The following KAZN variants were observed in gnomAD, a reference collection of about 807,000 sequenced individuals.
KAZN encodes kazrin.
A neutral mutation model predicts 87.4 loss-of-function variants in KAZN; 40 were observed. That is an observed-to-expected ratio of 0.46 (90% CI 0.36 to 0.60). The LOEUF (loss-of-function observed/expected upper bound fraction) is 0.60, where lower values mean the gene tolerates loss of function less well. Ranked by LOEUF, KAZN falls within the 20% of genes least tolerant of loss-of-function variation. The probability of loss-of-function intolerance (pLI) is 0.00; values close to 1 mark genes in which losing one functional copy is unlikely to be tolerated. For synonymous variants in KAZN, 466 were observed against 458.3 expected, an observed-to-expected ratio of 1.02 and a Z score of -0.22; for missense variants, 898 against 1,073.9, an observed-to-expected ratio of 0.84 and a Z score of 2.29.
intron 2 of KAZN, among the ~76,000 whole-genome samples, chr1:14,222,465 CTA>C (rs1647126525): frequency 6.6e-6 from 1 of 152,126 alleles, no homozygotes; most frequent in African/African-American, 2.4e-5. Flanking sequence ...ATAAAGGAGT[CTA>C]TGTTTCTGCT....
At chr1:14,633,134 C>G (rs1354185230) in intron 1 of KAZN, among the ~76,000 whole-genome samples, 1 of 152,056 alleles carries the variant, frequency 6.6e-6, no homozygotes, top group Non-Finnish European at 1.5e-5. Flanking sequence ...CCAGGCTGGT[C>G]TCGAACTCCT....
intron 2 of KAZN, among the ~76,000 whole-genome samples, chr1:14,262,067 T>C (rs1354945456): frequency 6.6e-6 from 1 of 152,202 alleles, no homozygotes; most frequent in Non-Finnish European, 1.5e-5. Flanking sequence ...AAACCAATGA[T>C]GCAAATTTTT....
chr1:13,901,050 AAAAAC>A (rs1034675657), intron 1 of KAZN, among the ~76,000 whole-genome samples: 2 of 151,402 alleles, frequency 1.3e-5, no homozygotes, highest in Non-Finnish European at 2.9e-5. Context: ...TTGAAAAAAA[AAAAAC>A]AAAAAACAAA....
chr1:13,981,122 C>CATATATATATATATAT (rs1557760941), intron 1 of KAZN, among the ~76,000 whole-genome samples: 2 of 21,862 alleles, frequency 9.1e-5, no homozygotes, highest in African/African-American at 2.0e-4. Context: ...TATATATAAA[C>CATATATATATATATAT]ACAGATTATA....
chr1:14,687,562 G>A (rs1641026253), intron 1 of KAZN, among the ~76,000 whole-genome samples: 1 of 152,214 alleles, frequency 6.6e-6, no homozygotes, highest in African/African-American at 2.4e-5. Context: ...GAGTCCAGAG[G>A]TGCATTAGAA....
chr1:14,195,738 T>C (rs1021184042), intron 2 of KAZN, among the ~76,000 whole-genome samples: 5 of 152,168 alleles, frequency 3.3e-5, no homozygotes, highest in Non-Finnish European at 5.9e-5. Flanking sequence ...AGGCCCTTCA[T>C]TCATTCATTT....
intron 1 of KAZN, among the ~76,000 whole-genome samples, chr1:14,655,257 G>A (rs766949801): frequency 2.0e-4 from 30 of 152,124 alleles, no homozygotes; most frequent in Non-Finnish European, 2.2e-4. Flanking sequence ...GGGAGGCTAG[G>A]GGGTGTTTAG....
intron 1 of KAZN, among the ~76,000 whole-genome samples, chr1:13,897,149 A>G (rs891553527): frequency 5.9e-5 from 9 of 152,064 alleles, no homozygotes; most frequent in Non-Finnish European, 1.0e-4. Context: ...GCACACAGCC[A>G]TGCCCATTTA....
intron 1 of KAZN, among the ~76,000 whole-genome samples, chr1:14,933,949 G>T (rs549402516): frequency 6.7e-6 from 1 of 149,264 alleles, no homozygotes; most frequent in African/African-American, 2.5e-5. Context: ...CCGGGTTCAC[G>T]CCATTCTCCT....
At chr1:14,826,854 GACA>G (rs1646904685) in intron 1 of KAZN, among the ~76,000 whole-genome samples, 1 of 152,138 alleles carries the variant, frequency 6.6e-6, no homozygotes, top group Admixed American at 6.6e-5. Context: ...GATTTTCATG[GACA>G]ACAAGTTGGT....
chr1:14,231,464 C>A (rs1647839844), intron 2 of KAZN, among the ~76,000 whole-genome samples: 1 of 152,164 alleles, frequency 6.6e-6, no homozygotes, highest in Admixed American at 6.5e-5. Context: ...ACGGCCCATG[C>A]CGCCAGCATA....
intron 1 of KAZN, among the ~76,000 whole-genome samples, chr1:14,142,829 A>G (rs1488039484): frequency 6.6e-6 from 1 of 152,180 alleles, no homozygotes; most frequent in Non-Finnish European, 1.5e-5. Flanking sequence ...GCTGAATCAC[A>G]GGAGTTGCCT....
chr1:14,770,802 A>T (rs2100589787), intron 1 of KAZN, among the ~76,000 whole-genome samples: 1 of 152,354 alleles, frequency 6.6e-6, no homozygotes, highest in Admixed American at 6.5e-5. Flanking sequence ...ATGTTAAGAG[A>T]GAAACATGCA....
intron 2 of KAZN, among the ~76,000 whole-genome samples, chr1:14,396,195 TAAAGC>T (rs944186113): frequency 1.5e-4 from 21 of 140,760 alleles, no homozygotes; most frequent in Non-Finnish European, 2.5e-4. Flanking sequence ...CTGCAACAAA[TAAAGC>T]AAAACAAGAA....
intron 2 of KAZN, among the ~76,000 whole-genome samples, chr1:14,582,911 G>A (rs541964994): frequency 4.1e-4 from 62 of 152,252 alleles, no homozygotes; most frequent in African/African-American, 1.4e-3. Flanking sequence ...GTCTGTCTCA[G>A]CCACTAGACC....
chr1:14,781,496 G>A (rs900760583), intron 1 of KAZN, among the ~76,000 whole-genome samples: 3 of 152,292 alleles, frequency 2.0e-5, no homozygotes, highest in Non-Finnish European at 4.4e-5. Context: ...ATGCGTGCTC[G>A]AGCAGCCTTT....
At chr1:14,191,020 A>C (rs1646410184) in intron 2 of KAZN, among the ~76,000 whole-genome samples, 1 of 152,158 alleles carries the variant, frequency 6.6e-6, no homozygotes, top group Non-Finnish European at 1.5e-5. Context: ...AGAAAGAGGA[A>C]AATAGATTTG....
At chr1:13,961,486 TTGA>T (rs1320576785) in intron 1 of KAZN, among the ~76,000 whole-genome samples, 1 of 152,164 alleles carries the variant, frequency 6.6e-6, no homozygotes, top group Non-Finnish European at 1.5e-5. Context: ...CTGGGATGCC[TTGA>T]TGATATTTAA....
rs778042260 is a variant in KAZN, at chr1:14,599,164, C to CCTCGGCGGCGGGGGA, written c.178_192dup (p.Gly60_Ala64dup). 5 of 1,376,324 alleles carry CCTCGGCGGCGGGGGA rather than the reference C, an allele frequency of 3.6e-6. No individual in the cohort carries two copies. The highest frequency in any genetic ancestry group is 4.7e-6 in the Non-Finnish European group (5 of 1,067,952). The allele number at this position is 1,376,324 out of a possible 1,614,324, so 85.3% of individuals were successfully genotyped here. A position where few individuals can be genotyped will look rare whatever the true frequency, so the allele number is the denominator to read the frequency against. ...CCGGGCCCGGGAGCCGCGGCCAGCG[C>CCTCGGCGGCGGGGGA]CTCGGCGGCGGGGGACTCGGCGGCG... On this transcript the variant is annotated inframe_insertion, in exon 1 of 15. Coordinates refer to ENST00000376030, the MANE Select transcript of KAZN (RefSeq NM_201628.3). This position sits in a 1 kb window ranked among gnomAD's most constrained non-coding sequence, Gnocchi z 4.4.
Sources: allele counts gnomAD v4.1 joint callset (sites outside exome capture counted in the v4.1 genomes callset), GRCh38; gene constraint gnomAD v4.1.1; non-coding constraint Gnocchi (gnomAD v3.1); transcripts MANE v1.5; gene names NCBI Gene and HGNC (gene_info 2026-07-23, HGNC 2026-07-21).